Variants in NOL10 observed in about 807,000 individuals in gnomAD.
NOL10 encodes nucleolar protein 10.
In NOL10, 58 loss-of-function variants were observed where a neutral mutation model predicts 103.5. The observed-to-expected ratio is 0.56, with a 90% confidence interval of 0.45 to 0.70. The LOEUF (loss-of-function observed/expected upper bound fraction) is 0.70. Ranked by LOEUF, NOL10 falls within the 30% of genes least tolerant of loss-of-function variation. NOL10 has a pLI of 0.00. For synonymous variants in NOL10, 287 were observed against 282.5 expected, an observed-to-expected ratio of 1.02 and a Z score of -0.16; for missense variants, 763 against 807.3, an observed-to-expected ratio of 0.95 and a Z score of 0.67.
intron 20 of NOL10, among the ~76,000 whole-genome samples, chr2:10,576,742 T>C (rs1674472462): frequency 1.3e-5 from 2 of 152,198 alleles, no homozygotes; most frequent in African/African-American, 4.8e-5. Context: ...CTAAAGGGTA[T>C]AGGGCTTCTT....
At chr2:10,647,157 T>C (rs1679133966) in intron 12 of NOL10, among the ~76,000 whole-genome samples, 1 of 151,914 alleles carries the variant, frequency 6.6e-6, no homozygotes, top group South Asian at 2.1e-4. Context: ...AAGAACACAT[T>C]TCCAATATGA....
intron 11 of NOL10, among the ~76,000 whole-genome samples, chr2:10,656,713 G>A (rs1004799919): frequency 3.9e-5 from 6 of 152,224 alleles, no homozygotes; most frequent in Non-Finnish European, 4.4e-5. Flanking sequence ...GCTTAGGCAC[G>A]AACTGCTCAG....
chr2:10,601,304 C>A (rs1254837523), intron 16 of NOL10, among the ~76,000 whole-genome samples: 2 of 152,180 alleles, frequency 1.3e-5, no homozygotes, highest in Non-Finnish European at 2.9e-5. Flanking sequence ...ACCTCGTGAT[C>A]CGCCTGCCTG....
intron 1 of NOL10, among the ~76,000 whole-genome samples, chr2:10,687,045 G>A (rs1682263790): frequency 6.6e-6 from 1 of 152,152 alleles, no homozygotes; most frequent in Non-Finnish European, 1.5e-5. Flanking sequence ...GATCACCAGG[G>A]GAGTAAACGT....
At chr2:10,687,989 G>A (rs566502398) in intron 1 of NOL10, among the ~76,000 whole-genome samples, 1 of 152,204 alleles carries the variant, frequency 6.6e-6, no homozygotes, top group South Asian at 2.1e-4. Flanking sequence ...GTTCCTTCTT[G>A]ATTCTTCTCC....
chr2:10,660,858 T>C (rs1486392234), intron 9 of NOL10, among the ~76,000 whole-genome samples: 1 of 151,836 alleles, frequency 6.6e-6, no homozygotes, highest in Non-Finnish European at 1.5e-5. Flanking sequence ...CTTACACTTA[T>C]TGCCTTCTCG....
At chr2:10,675,915 A>C (rs1057322043) in intron 3 of NOL10, 44 bp from the exon 4 acceptor site, 3 of 1,069,506 alleles carry the variant, frequency 2.8e-6, no homozygotes, top group Non-Finnish European at 4.1e-6. Context: ...ACATACTTTC[A>C]TAGTCAAAAC....
At position 10,587,208 on chromosome 2, in the gene NOL10, T is replaced by TATATATAC. The variant is rs1553296250; in HGVS notation, c.1844+1834_1844+1835insGTATATAT. ...ATATATATACACATATATATACACA[T>TATATATAC]ATATATATACATATATATACATATA... On this transcript the variant is annotated intron_variant, in intron 19 of 20. Transcript: ENST00000381685. 4.3e-4 allele frequency among the ~76,000 whole-genome samples: 16 copies of TATATATAC among 37,588 alleles called. 3 individuals carry two copies. Among genetic ancestry groups the TATATATAC allele is most frequent in the Non-Finnish European group, 6.9e-4 (15 of 21,850 alleles). The allele number at this position is 37,588 out of a possible 152,430, so 24.7% of individuals were successfully genotyped here. A position where few individuals can be genotyped will look rare whatever the true frequency, so the allele number is the denominator to read the frequency against.
At chr2:10,595,464 C>A (rs1675625977) in intron 17 of NOL10, among the ~76,000 whole-genome samples, 1 of 152,098 alleles carries the variant, frequency 6.6e-6, no homozygotes, top group African/African-American at 2.4e-5. Context: ...ACCACTACAC[C>A]CAGCTAATGT....
intron 9 of NOL10, among the ~76,000 whole-genome samples, chr2:10,661,920 C>A (rs58427835): frequency 0.061 from 9,101 of 149,776 alleles, 690 homozygotes; most frequent in African/African-American, 0.17. Flanking sequence ...AAAAAAAAAA[C>A]CCTCTAGTTT....
At chr2:10,653,227 C>A (rs556497168) in intron 12 of NOL10, among the ~76,000 whole-genome samples, 7 of 151,876 alleles carry the variant, frequency 4.6e-5, no homozygotes, top group Non-Finnish European at 7.4e-5. Context: ...ATTTCTAAGC[C>A]CTTTCCATAG....
chr2:10,653,129 A>T (rs776148113), intron 12 of NOL10, among the ~76,000 whole-genome samples: 10 of 148,128 alleles, frequency 6.8e-5, no homozygotes, highest in Non-Finnish European at 1.5e-4. Flanking sequence ...CCAGGAGAAG[A>T]GGTTGCAATG....
At chr2:10,682,336 A>AT (rs1335548837) in intron 2 of NOL10, among the ~76,000 whole-genome samples, 1 of 151,978 alleles carries the variant, frequency 6.6e-6, no homozygotes, top group Non-Finnish European at 1.5e-5. Flanking sequence ...TTGAAAAAAA[A>AT]TTTTCCACAA....
intron 8 of NOL10, among the ~76,000 whole-genome samples, chr2:10,664,972 T>C (rs1680482375): frequency 1.3e-5 from 2 of 152,368 alleles, no homozygotes; most frequent in Non-Finnish European, 2.9e-5. Context: ...CTTTGTGTTC[T>C]TGTCTATCAT....
intron 17 of NOL10, 149 bp from the exon 18 acceptor site, chr2:10,589,900 C>T: frequency 6.3e-6 from 3 of 472,588 alleles, no homozygotes; most frequent in Non-Finnish European, 1.1e-5. Context: ...TCTTCCAGGA[C>T]TTTCAACGTG....
At chr2:10,653,897 T>G (rs1325726879) in intron 12 of NOL10, among the ~76,000 whole-genome samples, 1 of 152,166 alleles carries the variant, frequency 6.6e-6, no homozygotes, top group Non-Finnish European at 1.5e-5. Flanking sequence ...TCTGCCTTAC[T>G]TCTCTCTATC....
At chr2:10,603,037 A>C (rs1452972036) in intron 15 of NOL10, 41 bp downstream of exon 15, 2 of 1,488,752 alleles carry the variant, frequency 1.3e-6, no homozygotes, top group Non-Finnish European at 1.9e-6. Context: ...CAGACTGCGC[A>C]TTAGTTACCT....
At chr2:10,575,421 A>C (rs1674405606) in intron 20 of NOL10, among the ~76,000 whole-genome samples, 1 of 152,230 alleles carries the variant, frequency 6.6e-6, no homozygotes, top group African/African-American at 2.4e-5. Context: ...ACTAGAACTC[A>C]AGTAAAACTG....
intron 13 of NOL10, among the ~76,000 whole-genome samples, chr2:10,610,754 T>C (rs1171097893): frequency 3.0e-4 from 46 of 152,238 alleles, no homozygotes; most frequent in Admixed American, 2.8e-3. Context: ...ATTGCCTTCA[T>C]AGCCATAAAA....
Sources: allele counts gnomAD v4.1 joint callset (sites outside exome capture counted in the v4.1 genomes callset), GRCh38; gene constraint gnomAD v4.1.1; transcripts MANE v1.5; gene names NCBI Gene and HGNC (gene_info 2026-07-23, HGNC 2026-07-21).